The following CRISPLD2 variants were observed in gnomAD, a reference collection of about 807,000 sequenced individuals.
CRISPLD2 encodes cysteine-rich secretory protein LCCL domain-containing 2.
In CRISPLD2, 47 loss-of-function variants were observed where a neutral mutation model predicts 71.1. That is an observed-to-expected ratio of 0.66 (90% CI 0.52 to 0.84). CRISPLD2 has a LOEUF of 0.84. Among genes scored for constraint, CRISPLD2 ranks in the 40% least tolerant of loss-of-function variants. The pLI is 0.00. For synonymous variants in CRISPLD2, 317 were observed against 250.1 expected, an observed-to-expected ratio of 1.27 and a Z score of -2.52; for missense variants, 830 against 651.1, an observed-to-expected ratio of 1.27 and a Z score of -2.99.
intron 14 of CRISPLD2, among the ~76,000 whole-genome samples, chr16:84,897,852 G>C (rs2071719908): frequency 1.3e-5 from 2 of 152,206 alleles, no homozygotes; most frequent in African/African-American, 4.8e-5. Flanking sequence ...CCTGACCTCA[G>C]GTGATCCGCC....
At chr16:84,834,080 C>A (rs1916556440) in intron 1 of CRISPLD2, among the ~76,000 whole-genome samples, 1 of 152,188 alleles carries the variant, frequency 6.6e-6, no homozygotes, top group Non-Finnish European at 1.5e-5. Context: ...CGGCTCCAGA[C>A]TTGCTGCTCG....
At chr16:84,902,260 G>A (rs1044528915) in intron 14 of CRISPLD2, among the ~76,000 whole-genome samples, 4 of 152,010 alleles carry the variant, frequency 2.6e-5, no homozygotes, top group African/African-American at 7.3e-5. Context: ...GTGCTTCCAC[G>A]AACTGAGCAG....
chr16:84,840,260 G>T (rs1334356803), intron 2 of CRISPLD2, among the ~76,000 whole-genome samples: 1 of 152,206 alleles, frequency 6.6e-6, no homozygotes, highest in African/African-American at 2.4e-5. Context: ...CGTGGCATGA[G>T]GGTTGAGTGG....
chr16:84,829,531 T>C (rs1246584923), intron 1 of CRISPLD2, among the ~76,000 whole-genome samples: 1 of 152,130 alleles, frequency 6.6e-6, no homozygotes, highest in Non-Finnish European at 1.5e-5. Context: ...CCTTTGATAC[T>C]TGTGAGGAAG....
intron 9 of CRISPLD2, 66 bp downstream of exon 9, chr16:84,872,574 T>C: frequency 7.3e-7 from 1 of 1,375,124 alleles, no homozygotes; most frequent in Non-Finnish European, 1.0e-6. Flanking sequence ...TTAAAGCAGG[T>C]GGTTGGCTTT....
intron 13 of CRISPLD2, among the ~76,000 whole-genome samples, chr16:84,883,547 C>G (rs939734269): frequency 6.6e-6 from 1 of 152,218 alleles, no homozygotes; most frequent in Non-Finnish European, 1.5e-5. Flanking sequence ...GTGCACATAT[C>G]AGAATCCACC....
rs2143211107 is a variant in CRISPLD2 at position 84,849,369 on chromosome 16, G to A, written c.360-16G>A. The A allele has an allele frequency of 6.2e-7, 1 of 1,608,328 alleles. No homozygotes were observed. The highest frequency in any genetic ancestry group is 8.5e-7 in the Non-Finnish European group (1 of 1,175,582). On this transcript the variant is annotated splice_polypyrimidine_tract_variant and intron_variant, in intron 3 of 14. Transcript: ENST00000262424. The stretch of plus-strand genomic sequence containing the variant: ...GGGGAGGGGCTGGGACTGAGTGAGC[G>A]GTTTCTGCCCTGCAGGTATCGCTCT...
chr16:84,866,326 C>G (rs768431954), intron 6 of CRISPLD2, among the ~76,000 whole-genome samples: 1 of 151,978 alleles, frequency 6.6e-6, no homozygotes, highest in Non-Finnish European at 1.5e-5. Context: ...CTCCACCTAC[C>G]GGCTTCAAGC....
chr16:84,862,562 G>A lies in CRISPLD2; in HGVS notation c.710-4335G>A, dbSNP rs150363151. The stretch of plus-strand genomic sequence containing the variant: ...CTACTATAAATAACACAGGTTTCTG[G>A]TGCCTAAAGCGTTTCTCATGTCTTG... On this transcript the variant is annotated intron_variant, in intron 6 of 14. Transcript: ENST00000262424. Among the ~76,000 whole-genome samples the A allele has an allele frequency of 5.7e-3, 863 of 151,926 alleles. 3 individuals carry two copies. The highest frequency in any genetic ancestry group is 0.017 in the Middle Eastern group (5 of 292).
intron 1 of CRISPLD2, 56 bp from the exon 2 acceptor site, chr16:84,838,366 G>A (rs940494174): frequency 1.3e-5 from 14 of 1,114,848 alleles, no homozygotes; most frequent in South Asian, 3.0e-5. Flanking sequence ...TCCAGCCAGC[G>A]CTGTGACCGG....
intron 13 of CRISPLD2, among the ~76,000 whole-genome samples, chr16:84,883,122 C>CA (rs536762620): frequency 3.3e-5 from 5 of 151,362 alleles, no homozygotes; most frequent in Non-Finnish European, 4.4e-5. Flanking sequence ...AGTAGCTCTT[C>CA]AAAAAAAATA....
At chr16:84,850,844 T>C (rs1272643097) in intron 5 of CRISPLD2, among the ~76,000 whole-genome samples, 161 bp downstream of exon 5, 1 of 152,164 alleles carries the variant, frequency 6.6e-6, no homozygotes, top group Non-Finnish European at 1.5e-5. Context: ...AGCTAAGCAG[T>C]GTCAACAAGG....
intron 1 of CRISPLD2, among the ~76,000 whole-genome samples, chr16:84,824,323 G>A (rs1249259085): frequency 6.6e-6 from 1 of 152,204 alleles, no homozygotes; most frequent in Non-Finnish European, 1.5e-5. Flanking sequence ...CCATCAAGAT[G>A]AACAGAGAGT....
At chr16:84,844,965 G>A (rs945750098) in intron 2 of CRISPLD2, among the ~76,000 whole-genome samples, 2 of 152,180 alleles carry the variant, frequency 1.3e-5, no homozygotes, top group African/African-American at 4.8e-5. Flanking sequence ...TGCGTGCCTA[G>A]GTTCACACTG....
chr16:84,889,419 A>G, intron 14 of CRISPLD2, 56 bp downstream of exon 14: 1 of 1,560,250 alleles, frequency 6.4e-7, no homozygotes, highest in South Asian at 1.2e-5. Flanking sequence ...ATGGTCCCTC[A>G]GGGGGCCTGG....
intron 14 of CRISPLD2, among the ~76,000 whole-genome samples, chr16:84,894,908 C>T (rs1412908771): frequency 3.9e-5 from 6 of 152,020 alleles, no homozygotes; most frequent in African/African-American, 9.7e-5. Context: ...CTGAAGATCT[C>T]GCTATGGGTC....
At chr16:84,889,465 C>A in intron 14 of CRISPLD2, 102 bp downstream of exon 14, 1 of 1,249,024 alleles carries the variant, frequency 8.0e-7, no homozygotes, top group Non-Finnish European at 1.1e-6. Context: ...TAAAATAAAA[C>A]TCGGGTAGAC....
At chr16:84,829,191 G>A (rs1306751454) in intron 1 of CRISPLD2, 1 of 152,386 alleles carries the variant, frequency 6.6e-6, no homozygotes, top group Non-Finnish European at 1.5e-5. Flanking sequence ...CTGGGGAGAT[G>A]GGGAATTCAG....
At chr16:84,838,909 G>A in intron 2 of CRISPLD2, 174 bp downstream of exon 2, 1 of 890,600 alleles carries the variant, frequency 1.1e-6, no homozygotes, top group Non-Finnish European at 1.8e-6. Flanking sequence ...TTTGTTTTGA[G>A]ACAGGGTCTC....
Sources: allele counts gnomAD v4.1 joint callset (sites outside exome capture counted in the v4.1 genomes callset), GRCh38; gene constraint gnomAD v4.1.1; transcripts MANE v1.5; gene names NCBI Gene and HGNC (gene_info 2026-07-23, HGNC 2026-07-21).